The following RNF220 variants were observed in gnomAD, a reference collection of about 807,000 sequenced individuals.
The protein encoded by RNF220 is E3 ubiquitin-protein ligase RNF220.
Under a neutral mutation model 67.1 loss-of-function variants are expected in RNF220, and 7 were observed. The ratio of observed to expected loss-of-function variants is 0.10; its 90% confidence interval spans 0.06 to 0.20. The LOEUF is 0.20. Ranked by LOEUF, RNF220 falls within the 10% of genes least tolerant of loss-of-function variation. The pLI, the probability that RNF220 is intolerant of heterozygous loss-of-function variation, is 1.00. For missense variants in RNF220, 565 were observed against 740.3 expected (o/e 0.76, Z 2.75); for synonymous variants, 270 against 283.2 (o/e 0.95, Z 0.47).
intron 2 of RNF220, among the ~76,000 whole-genome samples, chr1:44,548,339 T>C (rs1662343645): frequency 6.6e-6 from 1 of 152,100 alleles, no homozygotes; most frequent in African/African-American, 2.4e-5. Context: ...TCTAAAACAC[T>C]CCAACAGCTC....
intron 2 of RNF220, among the ~76,000 whole-genome samples, chr1:44,436,914 C>A (rs1572497982): frequency 1.3e-5 from 2 of 152,294 alleles, no homozygotes; most frequent in South Asian, 4.1e-4. Flanking sequence ...CACAGAAGTG[C>A]CCAGGGAATT....
rs1392724893 is a variant in RNF220, at chr1:44,405,391, T to C, written c.-257T>C. The C allele has an allele frequency of 2.1e-5, 13 of 630,124 alleles. No homozygotes were observed. The highest frequency in any genetic ancestry group is 7.2e-5 in the Admixed American group (3 of 41,674). 39.0% of individuals were successfully genotyped at this position (630,124 alleles called of 1,614,324 possible). On this transcript the variant is annotated 5_prime_UTR_variant, in exon 1 of 15. Transcript: ENST00000361799. The stretch of plus-strand genomic sequence containing the variant: ...GCCAGCCGCCTACTGCTGCTGCTGC[T>C]GCTGCCGCTGCCGCCGCCGCCGCCG...
chr1:44,504,605 G>C (rs1380964424), intron 2 of RNF220, among the ~76,000 whole-genome samples: 1 of 152,036 alleles, frequency 6.6e-6, no homozygotes, highest in South Asian at 2.1e-4. Flanking sequence ...ATGAAAGGAT[G>C]GTTAGAATTG....
At chr1:44,484,960 G>A (rs115520233) in intron 2 of RNF220, among the ~76,000 whole-genome samples, 5,009 of 152,192 alleles carry the variant, frequency 0.033, 124 homozygotes, top group Non-Finnish European at 0.051. Flanking sequence ...TGGCTAACAC[G>A]ATGAAACCCC....
chr1:44,634,425 C>T (rs1341330928), intron 6 of RNF220, among the ~76,000 whole-genome samples: 5 of 152,222 alleles, frequency 3.3e-5, no homozygotes, highest in East Asian at 3.9e-4. Context: ...GCCTGACACA[C>T]GGTAGAAGCT....
intron 2 of RNF220, among the ~76,000 whole-genome samples, chr1:44,465,923 C>T (rs1372052839): frequency 2.0e-5 from 3 of 151,938 alleles, no homozygotes; most frequent in African/African-American, 4.8e-5. Flanking sequence ...TGACTGATCA[C>T]GGTGGTTGCT....
intron 8 of RNF220, among the ~76,000 whole-genome samples, chr1:44,639,238 C>G (rs1446798926): frequency 6.6e-6 from 1 of 152,170 alleles, no homozygotes; most frequent in African/African-American, 2.4e-5. Context: ...ACTAAGGAGC[C>G]ATGCCTTTCC....
chr1:44,482,943 T>A lies in RNF220; in HGVS notation c.625+70221T>A, dbSNP rs1185466835. Among the ~76,000 whole-genome samples, 4 of 147,878 alleles carry A rather than the reference T, an allele frequency of 2.7e-5. No homozygotes were observed. In the South Asian group the frequency reaches 8.8e-4, roughly 33 times the overall value. ...GCCTTTTTTTTTTTTTTTTTTTTTT[T>A]TTGTCCAGATGGGATATTGCTCTGT... On this transcript the variant is annotated intron_variant, in intron 2 of 14. Transcript: ENST00000361799.
chr1:44,596,455 G>A (rs1965877), intron 2 of RNF220, among the ~76,000 whole-genome samples: 14 of 151,876 alleles, frequency 9.2e-5, no homozygotes, highest in African/African-American at 2.7e-4. Flanking sequence ...CCAGCTACTC[G>A]GGAGGCTGAG....
chr1:44,411,946 T>A (rs1044360145), intron 1 of RNF220, 35 bp from the exon 2 acceptor site: 1 of 819,172 alleles, frequency 1.2e-6, no homozygotes, highest in Admixed American at 3.3e-5. Flanking sequence ...CTGACTTTCC[T>A]CCCCCTTCTT....
intron 2 of RNF220, among the ~76,000 whole-genome samples, chr1:44,471,454 G>A: frequency 6.6e-6 from 1 of 151,822 alleles, no homozygotes; most frequent in East Asian, 1.9e-4. Flanking sequence ...ACAAGTCAGT[G>A]GTTTTTAGTA....
rs1419864129 is a variant in RNF220 at position 44,649,821 on chromosome 1, G to C, written c.1554+52G>C. ...CCTTGGTCAGGCTTCCACGCCCTCT[G>C]GGGGAGTTGGAGAGGGTGGGCCTAC... On this transcript the variant is annotated intron_variant, in intron 13 of 14. Coordinates refer to ENST00000361799, the MANE Select transcript of RNF220 (RefSeq NM_018150.4). The surrounding 1 kb of genome is among the most constrained non-coding windows in gnomAD (Gnocchi z 5.9). The C allele has an allele frequency of 4.3e-6, 7 of 1,613,068 alleles. No individual in the cohort carries two copies. The highest frequency in any genetic ancestry group is 5.1e-6 in the Non-Finnish European group (6 of 1,179,116).
intron 2 of RNF220, among the ~76,000 whole-genome samples, chr1:44,564,031 T>C (rs1490734787): frequency 6.6e-6 from 1 of 152,206 alleles, no homozygotes; most frequent in Non-Finnish European, 1.5e-5. Flanking sequence ...CTGGCCCCCA[T>C]GCCTGCCTTC....
intron 2 of RNF220, among the ~76,000 whole-genome samples, chr1:44,497,923 G>A (rs568372297): frequency 9.2e-5 from 14 of 152,260 alleles, no homozygotes; most frequent in East Asian, 5.8e-4. Context: ...CTGGACTGGC[G>A]CCAAAGGCAA....
At chr1:44,520,421 G>A (rs997522041) in intron 2 of RNF220, among the ~76,000 whole-genome samples, 11 of 152,084 alleles carry the variant, frequency 7.2e-5, no homozygotes, top group Non-Finnish European at 1.6e-4. Flanking sequence ...AGCCGAGATC[G>A]CACCACTGCA....
At chr1:44,646,662 G>A (rs1352036066) in intron 12 of RNF220, among the ~76,000 whole-genome samples, 1 of 152,206 alleles carries the variant, frequency 6.6e-6, no homozygotes, top group African/African-American at 2.4e-5. Context: ...AGGGGGAGGT[G>A]GGGGCAGAGC....
intron 2 of RNF220, among the ~76,000 whole-genome samples, chr1:44,433,492 A>ATG (rs1650629315): frequency 6.6e-6 from 1 of 152,198 alleles, no homozygotes; most frequent in Non-Finnish European, 1.5e-5. Flanking sequence ...TGTAAAGATG[A>ATG]AGACATGAAA....
chr1:44,620,624 A>G (rs1643751412), intron 3 of RNF220, among the ~76,000 whole-genome samples: 1 of 152,234 alleles, frequency 6.6e-6, no homozygotes, highest in African/African-American at 2.4e-5. Flanking sequence ...AATTGAATGG[A>G]ACCTGTTGTA....
intron 2 of RNF220, among the ~76,000 whole-genome samples, chr1:44,608,919 T>C (rs1667470722): frequency 6.6e-6 from 1 of 152,192 alleles, no homozygotes; most frequent in Non-Finnish European, 1.5e-5. Context: ...GCTAGTGTGT[T>C]ACTGGAGGCA....
Sources: allele counts gnomAD v4.1 joint callset (sites outside exome capture counted in the v4.1 genomes callset), GRCh38; gene constraint gnomAD v4.1.1; non-coding constraint Gnocchi (gnomAD v3.1); transcripts MANE v1.5; gene names NCBI Gene and HGNC (gene_info 2026-07-23, HGNC 2026-07-21).